The following EBF2 variants were observed in gnomAD, a reference collection of about 807,000 sequenced individuals.
EBF2 encodes the protein transcription factor COE2.
EBF2 carries 21 observed loss-of-function variants against 72.8 expected under a neutral mutation model. That is an observed-to-expected ratio of 0.29 (90% CI 0.20 to 0.42). EBF2 has a LOEUF of 0.42. EBF2 is among the 10% of genes least tolerant of loss of function. EBF2 has a pLI of 1.00. For missense variants in EBF2, 637 were observed against 731.2 expected (o/e 0.87, Z 1.49); for synonymous variants, 299 against 274.2 (o/e 1.09, Z -0.89).
intron 6 of EBF2, among the ~76,000 whole-genome samples, chr8:25,980,473 C>T (rs536064389): frequency 6.6e-6 from 1 of 152,268 alleles, no homozygotes; most frequent in South Asian, 2.1e-4. Flanking sequence ...AAAGAAAAAA[C>T]ATTTCCATTT....
rs80312909 is a variant in EBF2 at position 25,910,898 on chromosome 8, C to A, written c.552-2343G>T. Among the ~76,000 whole-genome samples the A allele has an allele frequency of 5.2e-3, 785 of 152,242 alleles. 7 individuals carry two copies. Among genetic ancestry groups the A allele is most frequent in the African/African-American group, 0.018 (745 of 41,542 alleles). ...TAGTATCTTCTAAAAGAAGGTATTGCTACTTCTAAATGGCTTGCACCAGAA... is the reference window on the plus strand; with the variant it reads ...TAGTATCTTCTAAAAGAAGGTATTGATACTTCTAAATGGCTTGCACCAGAA... On this transcript the variant is annotated intron_variant, in intron 6 of 15. Transcript: ENST00000520164.
chr8:25,978,573 G>C (rs552674045), intron 6 of EBF2, among the ~76,000 whole-genome samples: 1 of 152,150 alleles, frequency 6.6e-6, no homozygotes, highest in Non-Finnish European at 1.5e-5. Context: ...AGAAAACAAG[G>C]TGCAGCCCTC....
intron 6 of EBF2, among the ~76,000 whole-genome samples, chr8:25,944,356 T>C (rs1479296497): frequency 6.6e-6 from 1 of 152,178 alleles, no homozygotes; most frequent in African/African-American, 2.4e-5. Context: ...ACGGCCATTG[T>C]CTTGCCTGGT....
At position 25,887,898 on chromosome 8, in the gene EBF2, C is replaced by T. The variant is rs1802718353; in HGVS notation, c.826G>A (p.Asp276Asn). The T allele has an allele frequency of 1.9e-6, 3 of 1,613,804 alleles. No individual in the cohort carries two copies. Among genetic ancestry groups the T allele is most frequent in the Non-Finnish European group, 8.5e-7 (1 of 1,179,844 alleles). The change falls in exon 9 of 16, where the codon GAC becomes AAC. Residue 276 changes from aspartate to asparagine, a missense_variant. By Grantham distance (23) the Asp-to-Asn change is conservative. Transcript: ENST00000520164. Reference protein sequence around the residue: ...TGGAMVIIIGDNFFDGLQVVF... With the variant: ...TGGAMVIIIGNNFFDGLQVVF... ...ACTTGGAGACCATCAAAGAAGTTGTCCCCGATGATGATGACCATGGCTCCT... is the reference window on the plus strand; with the variant it reads ...ACTTGGAGACCATCAAAGAAGTTGTTCCCGATGATGATGACCATGGCTCCT...
At chr8:25,910,019 G>A (rs1040458411) in intron 6 of EBF2, among the ~76,000 whole-genome samples, 10 of 152,080 alleles carry the variant, frequency 6.6e-5, no homozygotes, top group Admixed American at 5.2e-4. Flanking sequence ...GAGGTGTTGG[G>A]GTCTTTATGG....
chr8:25,886,079 A>G (rs1427693919), intron 10 of EBF2, among the ~76,000 whole-genome samples: 2 of 151,890 alleles, frequency 1.3e-5, no homozygotes, highest in African/African-American at 4.8e-5. Context: ...TTCAATTTCC[A>G]TCTCTTCCTT....
chr8:25,907,508 T>C (rs1803056730), intron 7 of EBF2, among the ~76,000 whole-genome samples: 2 of 132,104 alleles, frequency 1.5e-5, no homozygotes, highest in Admixed American at 7.9e-5. Flanking sequence ...AGCTGCAACG[T>C]GTCGCATGCC....
rs74717724 is a variant in EBF2, at chr8:25,997,066, G to C, written c.551+36019C>G. The stretch of plus-strand genomic sequence containing the variant: ...AGCAAAAAAACAAAAAGCACAGGAG[G>C]TCATGGAGATGGGTCACCATGCAAT... On this transcript the variant is annotated intron_variant, in intron 6 of 15. Transcript: ENST00000520164. 1.0e-2 allele frequency among the ~76,000 whole-genome samples: 1,519 copies of C among 152,246 alleles called. 20 individuals are homozygous for C. Among genetic ancestry groups the C allele is most frequent in the South Asian group, 0.027 (132 of 4,824 alleles).
chr8:25,934,666 T>C (rs1055598901), intron 6 of EBF2, among the ~76,000 whole-genome samples: 10 of 152,166 alleles, frequency 6.6e-5, no homozygotes, highest in African/African-American at 2.4e-4. Context: ...ACAATGTGCA[T>C]GGCTGGAGCT....
At chr8:26,017,543 C>T (rs1805131148) in intron 6 of EBF2, among the ~76,000 whole-genome samples, 1 of 152,106 alleles carries the variant, frequency 6.6e-6, no homozygotes, top group African/African-American at 2.4e-5. Context: ...AGTTCTAGGG[C>T]ATGTTCTGTC....
intron 6 of EBF2, among the ~76,000 whole-genome samples, chr8:26,010,300 C>T (rs1322527329): frequency 6.6e-6 from 1 of 152,194 alleles, no homozygotes. Flanking sequence ...AAGACAGCTC[C>T]CTAGTGGCTG....
chr8:26,012,602 G>A (rs1805042793), intron 6 of EBF2, among the ~76,000 whole-genome samples: 1 of 152,196 alleles, frequency 6.6e-6, no homozygotes, highest in Admixed American at 6.5e-5. Context: ...AGTGTGTGCA[G>A]AGATGGGCAG....
chr8:25,905,356 A>G (rs1173644026), intron 7 of EBF2, among the ~76,000 whole-genome samples: 2 of 152,232 alleles, frequency 1.3e-5, no homozygotes, highest in East Asian at 3.8e-4. Context: ...CAAGAGAATT[A>G]AAAACATATG....
chr8:26,010,347 G>A (rs1804957564), intron 6 of EBF2, among the ~76,000 whole-genome samples: 1 of 152,236 alleles, frequency 6.6e-6, no homozygotes, highest in South Asian at 2.1e-4. Flanking sequence ...ACTCCTTTCA[G>A]GGGCCCATCA....
At chr8:26,007,215 CAG>C (rs1207972884) in intron 6 of EBF2, among the ~76,000 whole-genome samples, 1 of 152,146 alleles carries the variant, frequency 6.6e-6, no homozygotes, top group Admixed American at 6.5e-5. Context: ...ATTGGATCAA[CAG>C]GGAGAGAGCC....
At chr8:25,921,381 A>C (rs371955072) in intron 6 of EBF2, among the ~76,000 whole-genome samples, 2 of 152,242 alleles carry the variant, frequency 1.3e-5, no homozygotes, top group Non-Finnish European at 2.9e-5. Context: ...GACAAAAATC[A>C]GGTCAAGAAT....
At chr8:25,885,135 C>T (rs1056821260) in intron 10 of EBF2, among the ~76,000 whole-genome samples, 1 of 151,922 alleles carries the variant, frequency 6.6e-6, no homozygotes, top group Admixed American at 6.6e-5. Context: ...CTTTGAGTTA[C>T]TCTTCGTTGC....
chr8:25,937,855 A>G (rs1206625930), intron 6 of EBF2, among the ~76,000 whole-genome samples: 1 of 152,192 alleles, frequency 6.6e-6, no homozygotes, highest in Non-Finnish European at 1.5e-5. Context: ...CCAGTGAAAA[A>G]GCTTAGAAGA....
At chr8:25,979,550 G>A (rs1223160394) in intron 6 of EBF2, among the ~76,000 whole-genome samples, 1 of 152,234 alleles carries the variant, frequency 6.6e-6, no homozygotes, top group Non-Finnish European at 1.5e-5. Context: ...AGAGAGAGCA[G>A]GGCTGGCATA....
Sources: allele counts gnomAD v4.1 joint callset (sites outside exome capture counted in the v4.1 genomes callset), GRCh38; gene constraint gnomAD v4.1.1; transcripts MANE v1.5; gene names NCBI Gene and HGNC (gene_info 2026-07-23, HGNC 2026-07-21).